EXOC2: variants seen among roughly 807,000 people sequenced by gnomAD.
EXOC2 encodes SEC5-like 1.
In EXOC2, 70 loss-of-function variants were observed where a neutral mutation model predicts 131.8. The ratio of observed to expected loss-of-function variants is 0.53; its 90% CI spans 0.44 to 0.65. EXOC2 has a LOEUF of 0.65. Ranked by LOEUF, EXOC2 falls within the 30% of genes least tolerant of loss-of-function variation. The pLI, the probability that EXOC2 is intolerant of heterozygous loss-of-function variation, is 0.00. For synonymous variants in EXOC2, 411 were observed against 398.4 expected (o/e 1.03, Z -0.38); for missense variants, 923 against 1,108.6 (o/e 0.83, Z 2.38).
intron 10 of EXOC2, 47 bp from the exon 11 acceptor site, chr6:592,634 A>G: frequency 1.4e-6 from 2 of 1,437,550 alleles, no homozygotes; most frequent in Non-Finnish European, 1.9e-6. Flanking sequence ...ATGCTGGCAT[A>G]TTTTAAAATC....
intron 13 of EXOC2, among the ~76,000 whole-genome samples, chr6:566,924 C>G (rs897188440): frequency 4.6e-5 from 7 of 152,206 alleles, no homozygotes; most frequent in Non-Finnish European, 1.0e-4. Flanking sequence ...GGCACTCCTG[C>G]TCAGGAGCCC....
At chr6:518,294 G>T (rs1481494143) in intron 23 of EXOC2, among the ~76,000 whole-genome samples, 1 of 152,184 alleles carries the variant, frequency 6.6e-6, no homozygotes, top group Admixed American at 6.5e-5. Context: ...GACAAGACTG[G>T]CTGTGAGATG....
chr6:542,147 G>A (rs1436803142), intron 22 of EXOC2, among the ~76,000 whole-genome samples: 1 of 152,208 alleles, frequency 6.6e-6, no homozygotes, highest in African/African-American at 2.4e-5. Flanking sequence ...GGCTGTGCAG[G>A]GGCACAAGTG....
At chr6:526,432 A>ATTTTTT (rs70985804) in intron 23 of EXOC2, among the ~76,000 whole-genome samples, 8 of 76,016 alleles carry the variant, frequency 1.1e-4, no homozygotes, top group East Asian at 3.5e-4. Flanking sequence ...TTCTTTGTGG[A>ATTTTTT]TTTTTTTTTT....
intron 17 of EXOC2, among the ~76,000 whole-genome samples, chr6:560,554 C>T (rs1019383632): frequency 2.0e-5 from 3 of 152,116 alleles, no homozygotes; most frequent in African/African-American, 7.2e-5. Flanking sequence ...GCATGTAAAA[C>T]GTGGAGATGG....
At chr6:503,301 G>C (rs1159578262) in intron 23 of EXOC2, among the ~76,000 whole-genome samples, 1 of 152,102 alleles carries the variant, frequency 6.6e-6, no homozygotes, top group Non-Finnish European at 1.5e-5. Context: ...CATGGCAGAG[G>C]TGCTCAAGGC....
In EXOC2 at chr6:598,010, A is replaced by T. The variant is rs755464751; in HGVS notation, c.1073+11T>A. On this transcript the variant is annotated intron_variant, in intron 10 of 27. Transcript: ENST00000230449. ...ACATGTGATTCAACAAAATGTTTGCAGAAGATTTACCTTATGTAACGTTTT... is the reference window on the plus strand; with the variant it reads ...ACATGTGATTCAACAAAATGTTTGCTGAAGATTTACCTTATGTAACGTTTT... The T allele has an allele frequency of 3.8e-6, 6 of 1,596,936 alleles. No individual in the cohort carries two copies. The highest frequency in any genetic ancestry group is 5.1e-6 in the Non-Finnish European group (6 of 1,165,446).
chr6:577,951 G>A (rs952028317), intron 11 of EXOC2, among the ~76,000 whole-genome samples: 1 of 152,146 alleles, frequency 6.6e-6, no homozygotes, highest in Admixed American at 6.5e-5. Flanking sequence ...TGACAGCAGT[G>A]AGAATGTATA....
Position 486,518 on chromosome 6 carries a change from G to T in EXOC2, c.*153C>A. On this transcript the variant is annotated 3_prime_UTR_variant, in exon 28 of 28. Coordinates refer to ENST00000230449, the MANE Select transcript of EXOC2 (RefSeq NM_018303.6). ...CATTTCAAATGAGGTCATTTTGGTT[G>T]AAATGTATACCAACAATTTTCGAAG... 1 of 628,738 alleles carries T rather than the reference G, an allele frequency of 1.6e-6. No homozygotes were observed. Among genetic ancestry groups the T allele is most frequent in the Non-Finnish European group, 2.8e-6 (1 of 360,998 alleles). 38.9% of individuals were successfully genotyped at this position (628,738 alleles called of 1,614,324 possible).
chr6:486,896 C>T, intron 27 of EXOC2, 132 bp from the exon 28 acceptor site: 1 of 616,456 alleles, frequency 1.6e-6, no homozygotes, highest in Non-Finnish European at 2.9e-6. Flanking sequence ...AAAGTTCTAC[C>T]TATGGATCCT....
At chr6:673,252 C>CAAAAAAAAA (rs56189394) in intron 1 of EXOC2, among the ~76,000 whole-genome samples, 116 of 64,252 alleles carry the variant, frequency 1.8e-3, no homozygotes, top group African/African-American at 2.7e-3. Context: ...ACTCCATAGC[C>CAAAAAAAAA]AAAAAAAAAA....
At chr6:644,518 T>C (rs1041152468) in intron 1 of EXOC2, among the ~76,000 whole-genome samples, 4 of 151,954 alleles carry the variant, frequency 2.6e-5, no homozygotes, top group African/African-American at 9.7e-5. Context: ...TAGGGCGAAT[T>C]AAAGAAATAA....
chr6:603,700 G>A (rs1178435282), intron 7 of EXOC2, among the ~76,000 whole-genome samples: 1 of 151,904 alleles, frequency 6.6e-6, no homozygotes, highest in African/African-American at 2.4e-5. Context: ...TGGCCCTTCT[G>A]GATATTCCCT....
At chr6:533,792 G>A (rs973216121) in intron 22 of EXOC2, among the ~76,000 whole-genome samples, 1 of 152,148 alleles carries the variant, frequency 6.6e-6, no homozygotes, top group South Asian at 2.1e-4. Context: ...GCAGGGGGCT[G>A]GTGGCCGTTC....
chr6:583,991 G>A (rs955722956), intron 11 of EXOC2, among the ~76,000 whole-genome samples: 2 of 152,114 alleles, frequency 1.3e-5, no homozygotes, highest in Non-Finnish European at 2.9e-5. Context: ...CAATATTCAG[G>A]AGAGAAACAA....
At chr6:656,123 GA>G in intron 1 of EXOC2, 1 of 1,605,538 alleles carries the variant, frequency 6.2e-7, no homozygotes, top group Non-Finnish European at 8.5e-7. Flanking sequence ...AGGCAGGAAT[GA>G]AATACTGAAG....
At position 572,510 on chromosome 6, in the gene EXOC2, G is replaced by A. The variant is rs749025044; in HGVS notation, c.1443+10C>T. 20 of 1,611,442 alleles carry A rather than the reference G, an allele frequency of 1.2e-5. No individual in the cohort carries two copies. In the East Asian group the frequency reaches 1.3e-4, roughly 11 times the overall value. ...CTCAGCTCCACCTCTAGCCGAGTCC[G>A]TATACACACCTCACTGAAGAGGCTT... On this transcript the variant is annotated intron_variant, in intron 13 of 27. Coordinates refer to ENST00000230449, the MANE Select transcript of EXOC2 (RefSeq NM_018303.6).
intron 26 of EXOC2, 41 bp from the exon 27 acceptor site, chr6:489,079 A>G (rs778182575): frequency 3.8e-6 from 6 of 1,597,582 alleles, no homozygotes; most frequent in Middle Eastern, 3.3e-4. Flanking sequence ...AGCCTTGCAC[A>G]GGAGAACTGC....
intron 11 of EXOC2, among the ~76,000 whole-genome samples, chr6:583,087 A>C (rs1297598810): frequency 1.3e-5 from 2 of 152,224 alleles, no homozygotes; most frequent in Non-Finnish European, 2.9e-5. Context: ...AATGAAATGT[A>C]TGTTTTTGTC....
Sources: gnomAD v4.1 joint callset for allele counts (sites outside exome capture counted in the v4.1 genomes callset) on GRCh38, gnomAD v4.1.1 for gene constraint, MANE v1.5 for transcripts, NCBI Gene and HGNC (gene_info 2026-07-23, HGNC 2026-07-21) for gene names.